Variants in STAM2 observed in about 807,000 individuals in gnomAD.
STAM2 encodes signal transducing adapter molecule 2.
Under a neutral mutation model 65.6 loss-of-function variants are expected in STAM2, and 51 were observed. That is an observed-to-expected ratio of 0.78 (90% confidence interval 0.62 to 0.98). STAM2 has a LOEUF of 0.98. Ranked by LOEUF, STAM2 falls within the 50% of genes least tolerant of loss-of-function variation. The pLI is 0.00. For missense variants in STAM2, 584 were observed against 617.8 expected, an observed-to-expected ratio of 0.95 and a Z score of 0.58; for synonymous variants, 198 against 208.4, an observed-to-expected ratio of 0.95 and a Z score of 0.43.
At chr2:152,174,322 T>C (rs1689967510) in intron 1 of STAM2, among the ~76,000 whole-genome samples, 1 of 152,158 alleles carries the variant, frequency 6.6e-6, no homozygotes. Flanking sequence ...TGCACAAAGG[T>C]TGTATGATTC....
chr2:152,152,532 G>A (rs985024563), intron 1 of STAM2, among the ~76,000 whole-genome samples: 1 of 151,314 alleles, frequency 6.6e-6, no homozygotes, highest in Non-Finnish European at 1.5e-5. Flanking sequence ...CTGGGTGACA[G>A]AGTGAGACTC....
chr2:152,166,791 G>T (rs1381919113), intron 1 of STAM2, among the ~76,000 whole-genome samples: 2 of 152,110 alleles, frequency 1.3e-5, no homozygotes, highest in Non-Finnish European at 2.9e-5. Flanking sequence ...AGAAGAGAAG[G>T]TTAAGATAAT....
rs112620636 is a variant in STAM2 at position 152,148,312 on chromosome 2, AAG to A, written c.126-14_126-13del. On this transcript the variant is annotated splice_polypyrimidine_tract_variant and intron_variant, in intron 2 of 13. Coordinates refer to ENST00000263904, the MANE Select transcript of STAM2 (RefSeq NM_005843.6). ...GGCAATCTTTCGCTCTAAAAAAAAA[AAG>A]AGAGAGAGAGACAGTTAAGTATTTA... The A allele has an allele frequency of 1.1e-4, 172 of 1,558,500 alleles. No individual in the cohort carries two copies. Among genetic ancestry groups the A allele is most frequent in the South Asian group, 1.3e-4 (11 of 84,804 alleles).
chr2:152,140,907 G>C (rs1689234433), intron 7 of STAM2, among the ~76,000 whole-genome samples: 1 of 151,972 alleles, frequency 6.6e-6, no homozygotes, highest in Non-Finnish European at 1.5e-5. Context: ...GGCTGAGGCG[G>C]GTGGATCACT....
At chr2:152,173,406 AT>A (rs1389484826) in intron 1 of STAM2, among the ~76,000 whole-genome samples, 3 of 145,224 alleles carry the variant, frequency 2.1e-5, no homozygotes, top group Non-Finnish European at 4.5e-5. Context: ...ATATATATAT[AT>A]TTTTTTTCGA....
In STAM2 at chr2:152,122,223, T is replaced by C. The variant is rs538697338; in HGVS notation, c.1350-1421A>G. On this transcript the variant is annotated intron_variant, in intron 13 of 13. Coordinates refer to ENST00000263904, the MANE Select transcript of STAM2 (RefSeq NM_005843.6). ...AGAGGATTGCTTGAGGTCAGCCTGC[T>C]TTGAGACCAGCCCAGGCAACATGGC... Among the ~76,000 whole-genome samples, 147 of 152,016 alleles carry C rather than the reference T, an allele frequency of 9.7e-4. 1 individual carries two copies. The highest frequency in any genetic ancestry group is 2.0e-3 in the Admixed American group (30 of 15,238).
chr2:152,156,134 T>A (rs1362621257), intron 1 of STAM2, among the ~76,000 whole-genome samples: 1 of 152,210 alleles, frequency 6.6e-6, no homozygotes, highest in Non-Finnish European at 1.5e-5. Context: ...ATCTCATGCC[T>A]TCTAAAGCCG....
chr2:152,144,557 T>C (rs1689304715), intron 6 of STAM2, among the ~76,000 whole-genome samples: 1 of 152,314 alleles, frequency 6.6e-6, no homozygotes, highest in South Asian at 2.1e-4. Context: ...ATATATTTTT[T>C]GAGATGGAGT....
chr2:152,147,039 G>T lies in STAM2; in HGVS notation c.447+123C>A, dbSNP rs1689349034. 7.8e-6 allele frequency: 7 copies of T among 899,990 alleles called. No individual in the cohort carries two copies. In the East Asian group the frequency reaches 8.1e-5, roughly 10 times the overall value. 55.8% of individuals were successfully genotyped at this position (899,990 alleles called of 1,614,324 possible). A position where few individuals can be genotyped will look rare whatever the true frequency, so the allele number is the denominator to read the frequency against. ...TAAACGTAAGGAAGGCACTATGCTAGAGAGTCATTTGGGAAGTAAAGGTGG... is the reference window on the plus strand; with the variant it reads ...TAAACGTAAGGAAGGCACTATGCTATAGAGTCATTTGGGAAGTAAAGGTGG... On this transcript the variant is annotated intron_variant, in intron 5 of 13. Transcript: ENST00000263904.
intron 2 of STAM2, among the ~76,000 whole-genome samples, chr2:152,148,927 C>T (rs1295307334): frequency 6.6e-6 from 1 of 152,004 alleles, no homozygotes; most frequent in Non-Finnish European, 1.5e-5. Flanking sequence ...AAAAGCTTAT[C>T]TTGAAAAAAA....
At chr2:152,160,509 G>A (rs1380215460) in intron 1 of STAM2, among the ~76,000 whole-genome samples, 1 of 152,002 alleles carries the variant, frequency 6.6e-6, no homozygotes, top group Non-Finnish European at 1.5e-5. Flanking sequence ...CCCCGTCTGA[G>A]AAGTGAGGAG....
At chr2:152,135,843 A>T (rs1478547255) in intron 7 of STAM2, among the ~76,000 whole-genome samples, 1 of 152,170 alleles carries the variant, frequency 6.6e-6, no homozygotes. Context: ...TAATCCCAAC[A>T]CTTTGGGAGG....
chr2:152,120,852 A>T (rs1688840202), intron 13 of STAM2, 50 bp from the exon 14 acceptor site: 1 of 1,419,086 alleles, frequency 7.0e-7, no homozygotes, highest in East Asian at 2.3e-5. Context: ...GCAATATATA[A>T]GGTTAGAGAT....
At chr2:152,172,858 G>A (rs1367436372) in intron 1 of STAM2, among the ~76,000 whole-genome samples, 2 of 140,986 alleles carry the variant, frequency 1.4e-5, no homozygotes, top group Non-Finnish European at 3.1e-5. Flanking sequence ...AGACAGATTC[G>A]TCTCAAAAAA....
At chr2:152,124,283 AGCC>A in intron 12 of STAM2, 1 of 186,962 alleles carries the variant, frequency 5.3e-6, no homozygotes, top group South Asian at 1.2e-4. Flanking sequence ...CTTGAAGGGA[AGCC>A]CACCATCACT....
intron 11 of STAM2, 27 bp downstream of exon 11, chr2:152,132,087 T>A: frequency 6.4e-7 from 1 of 1,550,644 alleles, no homozygotes; most frequent in Non-Finnish European, 8.7e-7. Flanking sequence ...AAAACTATAC[T>A]TTTTATTCCT....
intron 7 of STAM2, among the ~76,000 whole-genome samples, chr2:152,136,902 T>C (rs1168486047): frequency 6.7e-6 from 1 of 150,094 alleles, no homozygotes; most frequent in African/African-American, 2.5e-5. Flanking sequence ...CTTTTTTTTT[T>C]TTTTTTTTTT....
intron 1 of STAM2, among the ~76,000 whole-genome samples, chr2:152,159,379 T>C (rs924423097): frequency 7.9e-5 from 12 of 151,336 alleles, no homozygotes; most frequent in African/African-American, 2.4e-4. Context: ...AGTAAATGAG[T>C]AGAATTAATT....
chr2:152,164,129 C>T (rs886115346), intron 1 of STAM2, among the ~76,000 whole-genome samples: 4 of 151,998 alleles, frequency 2.6e-5, no homozygotes, highest in East Asian at 3.9e-4. Flanking sequence ...ACCTACGGCC[C>T]GTAATGACCT....
Sources: gnomAD v4.1 joint callset for allele counts (sites outside exome capture counted in the v4.1 genomes callset) on GRCh38, gnomAD v4.1.1 for gene constraint, MANE v1.5 for transcripts, NCBI Gene and HGNC (gene_info 2026-07-23, HGNC 2026-07-21) for gene names.